Variants in CHN2 observed in about 807,000 individuals in gnomAD.
The protein encoded by CHN2 is beta-chimaerin.
Under a neutral mutation model 56.3 loss-of-function variants are expected in CHN2, and 35 were observed. The observed-to-expected ratio is 0.62, with a 90% CI of 0.47 to 0.82. The LOEUF is 0.82. Ranked by LOEUF, CHN2 falls within the 40% of genes least tolerant of loss-of-function variation. CHN2 has a pLI of 0.00. For missense variants in CHN2, 491 were observed against 580.5 expected (o/e 0.85, Z 1.58); for synonymous variants, 210 against 212.8 (o/e 0.99, Z 0.12).
chr7:29,214,922 G>A (rs1005019227), intron 1 of CHN2, among the ~76,000 whole-genome samples: 1 of 152,112 alleles, frequency 6.6e-6, no homozygotes, highest in African/African-American at 2.4e-5. Context: ...TAGATACGTA[G>A]CAGTCCATTT....
At chr7:29,388,313 T>C (rs900936168) in intron 3 of CHN2, among the ~76,000 whole-genome samples, 20 of 152,168 alleles carry the variant, frequency 1.3e-4, no homozygotes, top group South Asian at 4.1e-4. Flanking sequence ...ATTTAAAATA[T>C]GGTGAGATAA....
At chr7:29,456,702 G>A (rs983610231) in intron 6 of CHN2, among the ~76,000 whole-genome samples, 12 of 147,578 alleles carry the variant, frequency 8.1e-5, no homozygotes, top group Admixed American at 1.4e-4. Flanking sequence ...TGTTTTCACC[G>A]GCACTCCAGG....
At chr7:29,417,556 A>G (rs1488913591) in intron 6 of CHN2, among the ~76,000 whole-genome samples, 1 of 152,140 alleles carries the variant, frequency 6.6e-6, no homozygotes, top group East Asian at 1.9e-4. Flanking sequence ...AAAAGTAGAG[A>G]AAGATCCATT....
intron 3 of CHN2, among the ~76,000 whole-genome samples, chr7:29,375,645 A>G (rs560644218): frequency 2.0e-5 from 3 of 152,348 alleles, no homozygotes; most frequent in Non-Finnish European, 4.4e-5. Flanking sequence ...CCTCTAGCCT[A>G]TGACAGCTGG....
intron 6 of CHN2, among the ~76,000 whole-genome samples, chr7:29,414,410 C>T (rs1803532260): frequency 6.6e-6 from 1 of 152,200 alleles, no homozygotes; most frequent in South Asian, 2.1e-4. Context: ...GTATTGACCA[C>T]ATACCACGTG....
intron 1 of CHN2, among the ~76,000 whole-genome samples, chr7:29,295,768 C>A (rs1435930781): frequency 6.6e-6 from 1 of 152,166 alleles, no homozygotes; most frequent in Non-Finnish European, 1.5e-5. Context: ...CTTTTGGGGG[C>A]TCTAAGTGAG....
intron 1 of CHN2, among the ~76,000 whole-genome samples, chr7:29,295,166 G>A (rs1458297085): frequency 1.3e-5 from 2 of 151,986 alleles, no homozygotes; most frequent in East Asian, 1.9e-4. Flanking sequence ...ATTGTTTAGG[G>A]AATAATGACA....
chr7:29,354,419 G>C (rs1798127984), intron 1 of CHN2, among the ~76,000 whole-genome samples: 1 of 152,118 alleles, frequency 6.6e-6, no homozygotes. Context: ...CATAGTACAT[G>C]AGCTGAAGAA....
intron 6 of CHN2, among the ~76,000 whole-genome samples, chr7:29,441,227 A>G (rs969784103): frequency 1.3e-5 from 2 of 152,216 alleles, no homozygotes; most frequent in Non-Finnish European, 2.9e-5. Flanking sequence ...TAATCTCTCA[A>G]TTACATAGTG....
At chr7:29,208,106 T>C (rs150013469) in intron 1 of CHN2, among the ~76,000 whole-genome samples, 3,248 of 152,296 alleles carry the variant, frequency 0.021, 137 homozygotes, top group African/African-American at 0.074. Context: ...CTCCTCTAGG[T>C]AGATAAACTT....
intron 1 of CHN2, among the ~76,000 whole-genome samples, chr7:29,230,402 G>A (rs1247988547): frequency 1.3e-5 from 2 of 152,034 alleles, no homozygotes; most frequent in African/African-American, 2.4e-5. Flanking sequence ...GTGCAGTGGC[G>A]TGATCTCAGC....
intron 6 of CHN2, among the ~76,000 whole-genome samples, chr7:29,467,021 TG>T (rs1785601987): frequency 1.3e-5 from 2 of 152,364 alleles, no homozygotes; most frequent in South Asian, 4.1e-4. Context: ...GTTATCATTT[TG>T]TATTCTACAT....
At chr7:29,241,889 G>A (rs1787708760) in intron 1 of CHN2, among the ~76,000 whole-genome samples, 1 of 152,142 alleles carries the variant, frequency 6.6e-6, no homozygotes, top group Admixed American at 6.5e-5. Flanking sequence ...TTTATGCCAA[G>A]AGGAGAGCCA....
chr7:29,153,965 TTGTTA>T (rs1435099263), intron 2 of CHN2, among the ~76,000 whole-genome samples: 1 of 152,170 alleles, frequency 6.6e-6, no homozygotes, highest in Non-Finnish European at 1.5e-5. Flanking sequence ...AATATATTAA[TTGTTA>T]TGTTATAATA....
At chr7:29,265,766 A>C (rs570050923) in intron 1 of CHN2, among the ~76,000 whole-genome samples, 1 of 152,286 alleles carries the variant, frequency 6.6e-6, no homozygotes, top group South Asian at 2.1e-4. Context: ...TGAGGAGGAA[A>C]GGCTGTTGAT....
At chr7:29,150,507 A>C (rs1793442743) in intron 2 of CHN2, among the ~76,000 whole-genome samples, 1 of 152,198 alleles carries the variant, frequency 6.6e-6, no homozygotes, top group Admixed American at 6.5e-5. Flanking sequence ...CTATAGCCGG[A>C]GCTTTGCTGA....
chr7:29,497,801 G>T (rs1789461249), intron 8 of CHN2, among the ~76,000 whole-genome samples: 1 of 152,088 alleles, frequency 6.6e-6, no homozygotes, highest in Non-Finnish European at 1.5e-5. Context: ...ACACATTGTT[G>T]CTTTAGGTCT....
intron 6 of CHN2, among the ~76,000 whole-genome samples, chr7:29,472,272 T>TACACACACACACACACACAC (rs113034467): frequency 8.9e-6 from 1 of 112,226 alleles, no homozygotes; most frequent in Admixed American, 1.1e-4. Flanking sequence ...CAAAACAAAA[T>TACACACACACACACACACAC]ACACACACAC....
In CHN2 at chr7:29,298,197, T is replaced by C. The variant is rs910064282; in HGVS notation, c.50-56428T>C. Reference sequence around the variant, plus strand: ...AGTTCCCCAGACCTCATTTATGCCATAGATAGTAGCACCACCCTTATTTAT... The same window carrying C: ...AGTTCCCCAGACCTCATTTATGCCACAGATAGTAGCACCACCCTTATTTAT... On this transcript the variant is annotated intron_variant, in intron 1 of 12. Coordinates refer to ENST00000222792, the MANE Select transcript of CHN2 (RefSeq NM_004067.4). Among the ~76,000 whole-genome samples the C allele has an allele frequency of 1.4e-4, 21 of 152,328 alleles. 1 individual carries two copies. Among genetic ancestry groups the C allele is most frequent in the South Asian group, 1.2e-3 (6 of 4,826 alleles).
Sources: gnomAD v4.1 joint callset for allele counts (sites outside exome capture counted in the v4.1 genomes callset) on GRCh38, gnomAD v4.1.1 for gene constraint, MANE v1.5 for transcripts, NCBI Gene and HGNC (gene_info 2026-07-23, HGNC 2026-07-21) for gene names.